RUNX2: variants seen among roughly 807,000 people sequenced by gnomAD.
RUNX2 encodes the protein RUNX family transcription factor 2, also known as runt-related transcription factor 2.
In RUNX2, 10 loss-of-function variants were observed where a neutral mutation model predicts 51.7. That is an observed-to-expected ratio of 0.19 (90% confidence interval 0.12 to 0.33). The LOEUF (loss-of-function observed/expected upper bound fraction) is 0.33, where lower values mean the gene tolerates loss of function less well. Among genes scored for constraint, RUNX2 ranks in the 10% least tolerant of loss-of-function variants. The probability of loss-of-function intolerance (pLI) is 1.00; values close to 1 mark genes in which losing one functional copy is unlikely to be tolerated. For synonymous variants in RUNX2, 276 were observed against 273.6 expected (o/e 1.01, Z -0.09); for missense variants, 562 against 691.3 (o/e 0.81, Z 2.10).
chr6:45,400,044 AGGAAAGGAG>A, intron 2 of RUNX2, among the ~76,000 whole-genome samples: 1 of 114,998 alleles, frequency 8.7e-6, no homozygotes, highest in Admixed American at 8.6e-5. Context: ...GAAGGAAAGA[AGGAAAGGAG>A]GGAGGGAAGG....
intron 7 of RUNX2, among the ~76,000 whole-genome samples, chr6:45,542,370 C>CT (rs1563131700): frequency 1.3e-5 from 2 of 151,952 alleles, no homozygotes; most frequent in African/African-American, 2.4e-5. Flanking sequence ...TTGCTGCTGC[C>CT]GCTGCTGTTA....
chr6:45,497,791 C>T (rs1484045060), intron 6 of RUNX2, among the ~76,000 whole-genome samples: 9 of 152,150 alleles, frequency 5.9e-5, no homozygotes, highest in East Asian at 1.9e-4. Context: ...TTGTCTTACA[C>T]GGTACCTGCT....
At chr6:45,462,923 C>T (rs1799516053) in intron 5 of RUNX2, among the ~76,000 whole-genome samples, 1 of 152,160 alleles carries the variant, frequency 6.6e-6, no homozygotes, top group South Asian at 2.1e-4. Flanking sequence ...AGTAAAGGAA[C>T]AAGTTGCTTG....
intron 2 of RUNX2, among the ~76,000 whole-genome samples, chr6:45,353,244 C>G (rs1024915526): frequency 1.3e-5 from 2 of 151,910 alleles, no homozygotes; most frequent in Admixed American, 1.3e-4. Flanking sequence ...AAAAATGAAA[C>G]TACTTAAAAT....
At chr6:45,345,249 A>G (rs1479847396) in intron 2 of RUNX2, among the ~76,000 whole-genome samples, 1 of 152,204 alleles carries the variant, frequency 6.6e-6, no homozygotes, top group African/African-American at 2.4e-5. Flanking sequence ...ATTGTTAAAG[A>G]CTGTAAAATG....
intron 5 of RUNX2, among the ~76,000 whole-genome samples, chr6:45,452,315 G>GA (rs1799197722): frequency 6.6e-6 from 1 of 152,188 alleles, no homozygotes; most frequent in Admixed American, 6.5e-5. Flanking sequence ...AAATAGGCAG[G>GA]ATTTATTTCT....
intron 5 of RUNX2, among the ~76,000 whole-genome samples, chr6:45,478,518 C>T (rs1329689803): frequency 6.6e-6 from 1 of 152,224 alleles, no homozygotes; most frequent in Non-Finnish European, 1.5e-5. Flanking sequence ...TAGGAATAGA[C>T]TCCCAAGTTT....
chr6:45,364,399 C>A (rs1485026579), intron 2 of RUNX2, among the ~76,000 whole-genome samples: 2 of 152,120 alleles, frequency 1.3e-5, no homozygotes, highest in Non-Finnish European at 2.9e-5. Context: ...AAGAGGAAGA[C>A]ACTTAAACCT....
intron 6 of RUNX2, among the ~76,000 whole-genome samples, chr6:45,506,848 A>T (rs1266214311): frequency 6.6e-6 from 1 of 152,068 alleles, no homozygotes; most frequent in African/African-American, 2.4e-5. Flanking sequence ...CACCGTCTCT[A>T]CAAAAGCCTG....
At chr6:45,446,548 T>C (rs1799004818) in intron 5 of RUNX2, among the ~76,000 whole-genome samples, 1 of 151,424 alleles carries the variant, frequency 6.6e-6, no homozygotes, top group African/African-American at 2.4e-5. Context: ...TCAAGAAAGA[T>C]AATTCCTGAT....
intron 5 of RUNX2, among the ~76,000 whole-genome samples, chr6:45,458,178 C>T (rs1471345644): frequency 6.6e-6 from 1 of 152,112 alleles, no homozygotes; most frequent in Non-Finnish European, 1.5e-5. Context: ...AGGTGCCTGC[C>T]ACCATGCCTG....
At chr6:45,430,182 T>C (rs1798503202) in intron 3 of RUNX2, among the ~76,000 whole-genome samples, 3 of 152,064 alleles carry the variant, frequency 2.0e-5, no homozygotes, top group Admixed American at 2.0e-4. Flanking sequence ...ACAGATGAGA[T>C]GAAGGCCCTT....
intron 2 of RUNX2, among the ~76,000 whole-genome samples, chr6:45,346,211 T>C (rs1025648842): frequency 6.7e-6 from 1 of 150,058 alleles, no homozygotes; most frequent in African/African-American, 2.5e-5. Context: ...CTCACTCTAC[T>C]TATGTATATA....
At chr6:45,491,622 G>GTTTTTTTTTTTTTTTTTT (rs34040641) in intron 5 of RUNX2, among the ~76,000 whole-genome samples, 1 of 93,512 alleles carries the variant, frequency 1.1e-5, no homozygotes, top group Non-Finnish European at 2.1e-5. Flanking sequence ...TCTCCTGTTT[G>GTTTTTTTTTTTTTTTTTT]TTTTTTTTTT....
At chr6:45,382,380 TAC>T (rs1447291403) in intron 2 of RUNX2, among the ~76,000 whole-genome samples, 1 of 152,202 alleles carries the variant, frequency 6.6e-6, no homozygotes, top group East Asian at 1.9e-4. Flanking sequence ...AAAAAGTTTA[TAC>T]AGGAAGGGAT....
chr6:45,343,517 A>T (rs1790247659), intron 2 of RUNX2, among the ~76,000 whole-genome samples: 1 of 152,176 alleles, frequency 6.6e-6, no homozygotes, highest in Admixed American at 6.5e-5. Flanking sequence ...TCACATTCAT[A>T]CACCCCTCAG....
At chr6:45,412,392 AAAG>A (rs980881057) in intron 2 of RUNX2, among the ~76,000 whole-genome samples, 1 of 151,930 alleles carries the variant, frequency 6.6e-6, no homozygotes, top group East Asian at 1.9e-4. Context: ...CCCCCAAAAA[AAAG>A]AAGACTTGCT....
intron 5 of RUNX2, among the ~76,000 whole-genome samples, chr6:45,489,600 A>G (rs1051218316): frequency 6.6e-6 from 1 of 152,164 alleles, no homozygotes; most frequent in African/African-American, 2.4e-5. Flanking sequence ...TTCCAAAAAT[A>G]TGGCCTATTA....
chr6:45,466,111 C>T (rs1018783772), intron 5 of RUNX2, among the ~76,000 whole-genome samples: 6 of 151,766 alleles, frequency 4.0e-5, no homozygotes, highest in African/African-American at 7.3e-5. Context: ...GCGGGGAGTT[C>T]GAGACCAACC....
Sources: allele counts gnomAD v4.1 joint callset (sites outside exome capture counted in the v4.1 genomes callset), GRCh38; gene constraint gnomAD v4.1.1; transcripts MANE v1.5; gene names NCBI Gene and HGNC (gene_info 2026-07-23, HGNC 2026-07-21).